The following SORCS1 variants were observed in gnomAD, a reference collection of about 807,000 sequenced individuals.
SORCS1 encodes sortilin related VPS10 domain containing receptor 1.
SORCS1 carries 60 observed loss-of-function variants against 146.1 expected under a neutral mutation model. The observed-to-expected ratio is 0.41, with a 90% CI of 0.33 to 0.51. The LOEUF (loss-of-function observed/expected upper bound fraction) is 0.51. SORCS1 is among the 20% of genes least tolerant of loss of function. SORCS1 has a pLI of 0.21. For missense variants in SORCS1, 1,352 were observed against 1,487.6 expected (o/e 0.91, Z 1.50); for synonymous variants, 637 against 584.0 (o/e 1.09, Z -1.31).
At chr10:107,160,265 C>T (rs1254962100) in intron 1 of SORCS1, among the ~76,000 whole-genome samples, 1 of 152,144 alleles carries the variant, frequency 6.6e-6, no homozygotes, top group East Asian at 1.9e-4. Context: ...TTGAACAAGC[C>T]CTTCTGTGCA....
chr10:106,924,466 G>GATCTATCTATCT (rs35692327), intron 2 of SORCS1, among the ~76,000 whole-genome samples: 141 of 130,754 alleles, frequency 1.1e-3, no homozygotes, highest in East Asian at 3.0e-3. Flanking sequence ...CACAGTTATC[G>GATCTATCTATCT]ATCTATCTAT....
At chr10:107,161,144 G>C (rs1030018445) in intron 1 of SORCS1, among the ~76,000 whole-genome samples, 1 of 152,150 alleles carries the variant, frequency 6.6e-6, no homozygotes, top group African/African-American at 2.4e-5. Flanking sequence ...ACAGCTGAGG[G>C]GGCAGGAAAG....
At chr10:106,721,111 A>C (rs967348632) in intron 6 of SORCS1, among the ~76,000 whole-genome samples, 1 of 152,112 alleles carries the variant, frequency 6.6e-6, no homozygotes, top group Non-Finnish European at 1.5e-5. Context: ...TTCTGGCTAT[A>C]CTAGCTAAAC....
At chr10:106,970,336 CTTTTTT>C (rs766818370) in intron 1 of SORCS1, among the ~76,000 whole-genome samples, 2 of 89,454 alleles carry the variant, frequency 2.2e-5, no homozygotes, top group Admixed American at 1.3e-4. Context: ...ACCAACATCT[CTTTTTT>C]TTTTTTTTTT....
At chr10:106,763,612 C>T (rs1331990500) in intron 4 of SORCS1, among the ~76,000 whole-genome samples, 1 of 152,188 alleles carries the variant, frequency 6.6e-6, no homozygotes, top group Non-Finnish European at 1.5e-5. Flanking sequence ...GCAGAAGTGG[C>T]TTCAAGACTT....
chr10:106,822,517 A>T (rs1948088644), intron 3 of SORCS1, among the ~76,000 whole-genome samples: 1 of 152,146 alleles, frequency 6.6e-6, no homozygotes, highest in Admixed American at 6.5e-5. Context: ...ACTGTTGGAA[A>T]ATCACTCCAA....
rs951845156 is a variant in SORCS1 at position 106,916,817 on chromosome 10, T to G, written c.626+39696A>C. 2.6e-5 allele frequency among the ~76,000 whole-genome samples: 4 copies of G among 152,118 alleles called. No homozygotes were observed. The East Asian group carries it at 7.7e-4, about 29-fold the overall frequency. On this transcript the variant is annotated intron_variant, in intron 2 of 25. Coordinates refer to ENST00000263054, the MANE Select transcript of SORCS1 (RefSeq NM_052918.5). ...CAGGCTGGAGTGCAGTGGCACGATC[T>G]CAGCTCACTGCAACCTCCATCTCCC...
Position 106,576,866 on chromosome 10 carries a change from T to C in SORCS1, c.*554A>G, listed in dbSNP as rs1219443226. On this transcript the variant is annotated 3_prime_UTR_variant, in exon 26 of 26. Coordinates refer to ENST00000263054, the MANE Select transcript of SORCS1 (RefSeq NM_052918.5). The stretch of plus-strand genomic sequence containing the variant: ...CACCCATCAGCCTTTAATGCTAAAA[T>C]AGCTGATAAATCTAGAGCCAAGAAT... 7 of 181,770 alleles carry C rather than the reference T, an allele frequency of 3.9e-5. No homozygotes were observed. The highest frequency in any genetic ancestry group is 1.2e-4 in the South Asian group (1 of 8,582). 11.3% of individuals were successfully genotyped at this position (181,770 alleles called of 1,614,324 possible).
chr10:107,169,116 TC>T (rs1970108368), upstream of SORCS1, among the ~76,000 whole-genome samples: 1 of 152,194 alleles, frequency 6.6e-6, no homozygotes, highest in African/African-American at 2.4e-5. Flanking sequence ...TTTTTTGTCT[TC>T]CCTTTTTCCT....
intron 1 of SORCS1, among the ~76,000 whole-genome samples, chr10:107,067,021 G>T (rs906878055): frequency 6.6e-6 from 1 of 152,208 alleles, no homozygotes; most frequent in African/African-American, 2.4e-5. Flanking sequence ...GGGAATGTGG[G>T]AGGGGTACAG....
chr10:107,008,070 C>G (rs1480477602), intron 1 of SORCS1, among the ~76,000 whole-genome samples: 1 of 151,404 alleles, frequency 6.6e-6, no homozygotes, highest in East Asian at 1.9e-4. Flanking sequence ...TTAATAAATT[C>G]TTTTTTAAAA....
intron 1 of SORCS1, among the ~76,000 whole-genome samples, chr10:107,091,794 T>C (rs1453239736): frequency 6.6e-6 from 1 of 152,224 alleles, no homozygotes; most frequent in South Asian, 2.1e-4. Flanking sequence ...CTACATTTTA[T>C]TTTCTTCAAC....
At chr10:106,643,350 T>C (rs1849194653) in intron 18 of SORCS1, among the ~76,000 whole-genome samples, 1 of 152,234 alleles carries the variant, frequency 6.6e-6, no homozygotes. Flanking sequence ...CCTCAGCTTT[T>C]CAGAGACACT....
chr10:106,710,774 T>C (rs1854922774), intron 6 of SORCS1, among the ~76,000 whole-genome samples: 1 of 152,192 alleles, frequency 6.6e-6, no homozygotes, highest in Non-Finnish European at 1.5e-5. Flanking sequence ...CTCACCATGC[T>C]AATCTCTTCT....
chr10:106,630,230 C>T (rs948925932), intron 18 of SORCS1, among the ~76,000 whole-genome samples: 2 of 152,204 alleles, frequency 1.3e-5, no homozygotes, highest in African/African-American at 4.8e-5. Context: ...TGATAGGACA[C>T]TGTACGCAGC....
chr10:106,884,613 T>G (rs1950926484), intron 2 of SORCS1, among the ~76,000 whole-genome samples: 1 of 152,284 alleles, frequency 6.6e-6, no homozygotes, highest in East Asian at 1.9e-4. Flanking sequence ...ATTTCTAACA[T>G]TTGTCAGTTA....
At chr10:106,977,136 C>A (rs895225301) in intron 1 of SORCS1, among the ~76,000 whole-genome samples, 1 of 152,156 alleles carries the variant, frequency 6.6e-6, no homozygotes, top group Non-Finnish European at 1.5e-5. Context: ...AATGGGTGAG[C>A]GAATTTACAC....
chr10:107,005,736 A>C (rs1281880785), intron 1 of SORCS1, among the ~76,000 whole-genome samples: 4 of 152,178 alleles, frequency 2.6e-5, no homozygotes. Context: ...TTATTTAATG[A>C]GGTGGGACCA....
intron 16 of SORCS1, 69 bp from the exon 17 acceptor site, chr10:106,667,871 TC>T: frequency 9.4e-7 from 1 of 1,063,178 alleles, no homozygotes; most frequent in Non-Finnish European, 1.4e-6. Context: ...TCTACATCAG[TC>T]CACAGCCAAG....
Sources: gnomAD v4.1 joint callset for allele counts (sites outside exome capture counted in the v4.1 genomes callset) on GRCh38, gnomAD v4.1.1 for gene constraint, MANE v1.5 for transcripts, NCBI Gene and HGNC (gene_info 2026-07-23, HGNC 2026-07-21) for gene names.